The following BIK variants were observed in gnomAD, a reference collection of about 807,000 sequenced individuals.
The protein encoded by BIK is bcl-2-interacting killer.
A neutral mutation model predicts 12.1 loss-of-function variants in BIK; 14 were observed. The ratio of observed to expected loss-of-function variants is 1.16; its 90% CI spans 0.77 to 1.81. BIK has a LOEUF of 1.81. Ranked by LOEUF, BIK falls within the 40% of genes most tolerant of loss-of-function variation. The pLI, the probability that BIK is intolerant of heterozygous loss-of-function variation, is 0.00. For missense variants in BIK, 215 were observed against 207.9 expected (o/e 1.03, Z -0.21); for synonymous variants, 86 against 92.3 (o/e 0.93, Z 0.39).
chr22:43,111,957 A>T (rs1930019582), intron 1 of BIK, among the ~76,000 whole-genome samples: 1 of 151,986 alleles, frequency 6.6e-6, no homozygotes, highest in South Asian at 2.1e-4. Flanking sequence ...CCTTTATGGA[A>T]CCCAAGCCAA....
chr22:43,126,538 C>T (rs1930320296), intron 2 of BIK, among the ~76,000 whole-genome samples: 2 of 152,078 alleles, frequency 1.3e-5, no homozygotes, highest in South Asian at 2.1e-4. Context: ...CGTGAAGGCC[C>T]AGGAGCAGCT....
rs1930349925 is a variant in BIK at position 43,127,831 on chromosome 22, G to GA, written c.260+37dup. 10 of 1,525,004 alleles carry GA rather than the reference G, an allele frequency of 6.6e-6. No homozygotes were observed. In the East Asian group the frequency reaches 2.5e-4, roughly 38 times the overall value. The allele number at this position is 1,525,004 out of a possible 1,614,324, so 94.5% of individuals were successfully genotyped here. A position where few individuals can be genotyped will look rare whatever the true frequency, so the allele number is the denominator to read the frequency against. On this transcript the variant is annotated intron_variant, in intron 3 of 4. Transcript: ENST00000216115. Reference sequence around the variant, plus strand: ...TATGCCCTATGCCTCTACACCTGGGGAGGGGCCCTGGGCGGTGGGTGGAGG... The same window carrying GA: ...TATGCCCTATGCCTCTACACCTGGGGAAGGGGCCCTGGGCGGTGGGTGGAGG...
intron 1 of BIK, among the ~76,000 whole-genome samples, chr22:43,111,744 G>C (rs374994148): frequency 9.2e-5 from 14 of 152,146 alleles, no homozygotes; most frequent in African/African-American, 3.4e-4. Context: ...TGGTCTGGGA[G>C]CCCGAGCTTC....
chr22:43,111,961 A>C (rs1050453520), intron 1 of BIK, among the ~76,000 whole-genome samples: 40 of 152,298 alleles, frequency 2.6e-4, no homozygotes, highest in African/African-American at 9.4e-4. Context: ...TATGGAACCC[A>C]AGCCAAAACC....
At chr22:43,128,849 T>C (rs1206017850) in intron 4 of BIK, among the ~76,000 whole-genome samples, 1 of 152,232 alleles carries the variant, frequency 6.6e-6, no homozygotes, top group Non-Finnish European at 1.5e-5. Context: ...AGCCTTCACC[T>C]GGCAGGCAGG....
At position 43,115,412 on chromosome 22, in the gene BIK, G is replaced by A. The variant is rs1297970489; in HGVS notation, c.-8+4609G>A. 3.9e-5 allele frequency among the ~76,000 whole-genome samples: 6 copies of A among 152,244 alleles called. No homozygotes were observed. The East Asian group carries it at 5.8e-4, about 15-fold the overall frequency. On this transcript the variant is annotated intron_variant, in intron 1 of 4. Coordinates refer to ENST00000216115, the MANE Select transcript of BIK (RefSeq NM_001197.5). Reference sequence around the variant, plus strand: ...TACCTGCCTCTCAAGCCTCAGGGTCGGGGCCAGGGTGAGCAGTCTTCATAT... The same window carrying A: ...TACCTGCCTCTCAAGCCTCAGGGTCAGGGCCAGGGTGAGCAGTCTTCATAT...
chr22:43,121,231 G>A (rs190993838), intron 1 of BIK, among the ~76,000 whole-genome samples: 5 of 152,246 alleles, frequency 3.3e-5, no homozygotes, highest in Admixed American at 3.3e-4. Context: ...CACAATAGAT[G>A]GGGAAACTGA....
chr22:43,115,694 C>T (rs1930098288), intron 1 of BIK, among the ~76,000 whole-genome samples: 1 of 151,826 alleles, frequency 6.6e-6, no homozygotes, highest in African/African-American at 2.4e-5. Context: ...AACTCCTGAC[C>T]TCAGTTGATC....
In BIK at chr22:43,128,626, G is replaced by C. The variant is rs781519757; in HGVS notation, c.390+1G>C. On this transcript the variant is annotated splice_donor_variant, in intron 4 of 4. Transcript: ENST00000216115. LOFTEE classifies it high-confidence loss of function. Reference sequence around the variant, plus strand: ...GAGATCCCCGAACCCCGGGTCCTGGGTAAGAGCCTTGAGATCCCTGACCCT... The same window carrying C: ...GAGATCCCCGAACCCCGGGTCCTGGCTAAGAGCCTTGAGATCCCTGACCCT... The C allele has an allele frequency of 1.9e-6, 3 of 1,606,386 alleles. No homozygotes were observed. The highest frequency in any genetic ancestry group is 1.1e-5 in the South Asian group (1 of 90,290).
At chr22:43,113,819 T>C (rs1398342443) in intron 1 of BIK, among the ~76,000 whole-genome samples, 1 of 152,162 alleles carries the variant, frequency 6.6e-6, no homozygotes, top group Non-Finnish European at 1.5e-5. Context: ...ACTTAGCGGA[T>C]CCCATGAGAT....
intron 1 of BIK, among the ~76,000 whole-genome samples, chr22:43,112,150 G>A (rs759522432): frequency 2.0e-5 from 3 of 152,110 alleles, no homozygotes; most frequent in Non-Finnish European, 4.4e-5. Context: ...ATTTGGGCAC[G>A]CCTTTGGAAT....
Position 43,128,636 on chromosome 22 carries a change from T to A in BIK, c.390+11T>A, listed in dbSNP as rs769959958. The A allele has an allele frequency of 6.3e-7, 1 of 1,597,068 alleles. No individual in the cohort carries two copies. ...AACCCCGGGTCCTGGGTAAGAGCCT[T>A]GAGATCCCTGACCCTGACTTGCGCT... On this transcript the variant is annotated intron_variant, in intron 4 of 4. Coordinates refer to ENST00000216115, the MANE Select transcript of BIK (RefSeq NM_001197.5).
chr22:43,127,630 G>A (rs1930342989), intron 2 of BIK, 67 bp from the exon 3 acceptor site: 4 of 1,392,052 alleles, frequency 2.9e-6, no homozygotes, highest in Non-Finnish European at 9.8e-7. Context: ...CCGTTGGCTG[G>A]GTGGGTCCAG....
rs370332685 is a variant in BIK at position 43,118,705 on chromosome 22, G to A, written c.-7-5311G>A. ...CCCCAGCGTGGCCCCTGACCCTCTC[G>A]GTTTGCCTGCCTGTGAAACAGGAAG... On this transcript the variant is annotated intron_variant, in intron 1 of 4. Coordinates refer to ENST00000216115, the MANE Select transcript of BIK (RefSeq NM_001197.5). 1.7e-4 allele frequency among the ~76,000 whole-genome samples: 26 copies of A among 152,246 alleles called. No homozygotes were observed. In the East Asian group the frequency reaches 3.5e-3, roughly 20 times the overall value.
Position 43,126,561 on chromosome 22 carries a change from T to C in BIK, c.162-1136T>C, listed in dbSNP as rs116229679. On this transcript the variant is annotated intron_variant, in intron 2 of 4. Transcript: ENST00000216115. ...CCCAGGAGCAGCTGACCTCAGTAGT[T>C]TCTACCCTGAGCCTGGAAGAGAATG... Among the ~76,000 whole-genome samples the C allele has an allele frequency of 5.4e-3, 827 of 152,184 alleles. 9 individuals are homozygous for C. The highest frequency in any genetic ancestry group is 0.019 in the African/African-American group (789 of 41,508).
At chr22:43,119,249 T>C (rs1488453910) in intron 1 of BIK, among the ~76,000 whole-genome samples, 1 of 152,030 alleles carries the variant, frequency 6.6e-6, no homozygotes, top group Non-Finnish European at 1.5e-5. Context: ...TAGGTGTGTC[T>C]TCCTTCACCA....
At chr22:43,129,126 G>T in intron 4 of BIK, 87 bp from the exon 5 acceptor site, 2 of 1,595,938 alleles carry the variant, frequency 1.3e-6, no homozygotes, top group Non-Finnish European at 1.7e-6. Flanking sequence ...CACCCTCCTG[G>T]GCTTCCCCTT....
intron 1 of BIK, among the ~76,000 whole-genome samples, chr22:43,120,801 T>C (rs1327327365): frequency 6.6e-6 from 1 of 152,232 alleles, no homozygotes; most frequent in Non-Finnish European, 1.5e-5. Context: ...ATCTTTGCCA[T>C]TCATATCAAG....
chr22:43,118,240 A>C (rs1375018858), intron 1 of BIK, among the ~76,000 whole-genome samples: 1 of 151,864 alleles, frequency 6.6e-6, no homozygotes, highest in Non-Finnish European at 1.5e-5. Flanking sequence ...TGGTCACACT[A>C]CCCTCCAGAA....
Sources: allele counts gnomAD v4.1 joint callset (sites outside exome capture counted in the v4.1 genomes callset), GRCh38; gene constraint gnomAD v4.1.1; transcripts MANE v1.5; gene names NCBI Gene and HGNC (gene_info 2026-07-23, HGNC 2026-07-21).